The following LEF1 variants were observed in gnomAD, a reference collection of about 807,000 sequenced individuals.
The protein encoded by LEF1 is lymphoid enhancer binding factor 1.
LEF1 carries 14 observed loss-of-function variants against 51.2 expected under a neutral mutation model. The ratio of observed to expected loss-of-function variants is 0.27; its 90% confidence interval spans 0.18 to 0.43. The LOEUF is 0.43. Among genes scored for constraint, LEF1 ranks in the 20% least tolerant of loss-of-function variants. The probability of loss-of-function intolerance (pLI) is 1.00; values close to 1 mark genes in which losing one functional copy is unlikely to be tolerated. For missense variants in LEF1, 386 were observed against 512.0 expected, an observed-to-expected ratio of 0.75 and a Z score of 2.37; for synonymous variants, 185 against 183.2, an observed-to-expected ratio of 1.01 and a Z score of -0.08.
intron 3 of LEF1, among the ~76,000 whole-genome samples, chr4:108,136,817 T>C (rs1055951874): frequency 6.6e-6 from 1 of 152,076 alleles, no homozygotes; most frequent in African/African-American, 2.4e-5. Context: ...TATCCAAGGG[T>C]AAAAAGGGAA....
intron 11 of LEF1, among the ~76,000 whole-genome samples, chr4:108,056,787 A>T (rs980469505): frequency 6.6e-6 from 1 of 151,926 alleles, no homozygotes. Flanking sequence ...TCCACCTCCT[A>T]TGCAGCGATC....
At chr4:108,128,389 A>G (rs774617057) in intron 3 of LEF1, among the ~76,000 whole-genome samples, 7 of 152,188 alleles carry the variant, frequency 4.6e-5, no homozygotes, top group Non-Finnish European at 8.8e-5. Context: ...TACAACATAA[A>G]CAAAATTATT....
chr4:108,104,286 C>T (rs1039981897), intron 3 of LEF1, among the ~76,000 whole-genome samples: 3 of 151,678 alleles, frequency 2.0e-5, no homozygotes, highest in South Asian at 2.1e-4. Flanking sequence ...CTAACAGATA[C>T]CGGGTTTCTG....
chr4:108,158,658 G>T (rs548927127), intron 3 of LEF1, among the ~76,000 whole-genome samples: 1 of 151,822 alleles, frequency 6.6e-6, no homozygotes, highest in South Asian at 2.1e-4. Context: ...CAAAAATGAA[G>T]TGTTTTGATT....
At chr4:108,126,804 CAAAAA>C (rs11329450) in intron 3 of LEF1, among the ~76,000 whole-genome samples, 1 of 97,308 alleles carries the variant, frequency 1.0e-5, no homozygotes, top group African/African-American at 4.5e-5. Flanking sequence ...GACTTTCTCT[CAAAAA>C]AAAAAAAAAA....
intron 3 of LEF1, among the ~76,000 whole-genome samples, chr4:108,127,827 T>C (rs1742641758): frequency 6.6e-6 from 1 of 152,164 alleles, no homozygotes; most frequent in East Asian, 1.9e-4. Flanking sequence ...ATTTAAGATC[T>C]GAAGGGTTTG....
intron 3 of LEF1, among the ~76,000 whole-genome samples, chr4:108,152,943 C>G (rs1560826873): frequency 1.3e-5 from 2 of 152,216 alleles, no homozygotes; most frequent in Non-Finnish European, 2.9e-5. Flanking sequence ...TTTGCTGCTG[C>G]TCTCTTTTAT....
At chr4:108,102,526 TG>T (rs1380447278) in intron 3 of LEF1, among the ~76,000 whole-genome samples, 6 of 152,176 alleles carry the variant, frequency 3.9e-5, no homozygotes, top group African/African-American at 1.4e-4. Flanking sequence ...ATGAGGAAAG[TG>T]GCATTCCTCA....
Position 108,168,870 on chromosome 4 carries a change from G to C in LEF1, c.-1103C>G, listed in dbSNP as rs1325468441. On this transcript the variant is annotated 5_prime_UTR_variant, in exon 1 of 12. Coordinates refer to ENST00000265165, the MANE Select transcript of LEF1 (RefSeq NM_016269.5). The surrounding 1 kb of genome is among the most constrained non-coding windows in gnomAD (Gnocchi z 4.6). ...TGGTTCCTCGGCCCGAGAGCGCGCA[G>C]CCCGGGTCCCTCCTCCGCGCCCTGC... 1 of 152,202 alleles carries C rather than the reference G, an allele frequency of 6.6e-6. No individual in the cohort carries two copies. Among genetic ancestry groups the C allele is most frequent in the Non-Finnish European group, 1.5e-5 (1 of 68,038 alleles). 9.4% of individuals were successfully genotyped at this position (152,202 alleles called of 1,614,324 possible).
At chr4:108,165,237 G>C in intron 1 of LEF1, 74 bp from the exon 2 acceptor site, 1 of 1,346,870 alleles carries the variant, frequency 7.4e-7, no homozygotes, top group Non-Finnish European at 1.1e-6. Context: ...GTACAAATGT[G>C]TGTGCGCTGG....
At chr4:108,106,004 G>A (rs72896198) in intron 3 of LEF1, among the ~76,000 whole-genome samples, 6,404 of 152,176 alleles carry the variant, frequency 0.042, 465 homozygotes, top group African/African-American at 0.14. Context: ...GTCTGCAGTC[G>A]GGCTCCAAAT....
rs2110423116 is a variant in LEF1 at position 108,163,582 on chromosome 4, G to C, written c.400C>G (p.Pro134Ala). Reference protein sequence around the residue: ...PYMSNGSLSPPIPRTSNKVPV... With the variant: ...PYMSNGSLSPAIPRTSNKVPV... ...ATGTTACTTACTGTTCTCGGGATGG[G>C]TGGAGAAAGAGATCCATTTGACATG... Residue 134 changes from proline to alanine, a missense_variant, in exon 3 of 12, where the codon CCC becomes GCC. By Grantham distance (27) the Pro-to-Ala change is conservative (BLOSUM62 -1). This residue lies in a region of LEF1 where 335 missense variants were observed against 390.7 expected (regional missense o/e 0.86). Coordinates refer to ENST00000265165, the MANE Select transcript of LEF1 (RefSeq NM_016269.5). The C allele has an allele frequency of 6.2e-7, 1 of 1,613,352 alleles. No homozygotes were observed. The highest frequency in any genetic ancestry group is 2.2e-5 in the East Asian group (1 of 44,848).
chr4:108,071,970 C>T (rs1457615091), intron 8 of LEF1: 1 of 152,282 alleles, frequency 6.6e-6, no homozygotes, highest in African/African-American at 2.4e-5. Context: ...GTGCACACCA[C>T]ACACGCTCAC....
At chr4:108,063,527 T>C (rs1001929739) in intron 11 of LEF1, 96 bp downstream of exon 11, 5 of 917,386 alleles carry the variant, frequency 5.5e-6, no homozygotes, top group Non-Finnish European at 6.9e-6. Flanking sequence ...TAAGGAGCAA[T>C]GTCGAATGAA....
chr4:108,158,047 C>T (rs1440411302), intron 3 of LEF1, among the ~76,000 whole-genome samples: 1 of 152,064 alleles, frequency 6.6e-6, no homozygotes. Context: ...CCAACTCCCC[C>T]CACCTCCACC....
chr4:108,113,056 T>C (rs1459051730), intron 3 of LEF1, among the ~76,000 whole-genome samples: 2 of 152,202 alleles, frequency 1.3e-5, no homozygotes, highest in African/African-American at 4.8e-5. Context: ...AGCTGTGGAA[T>C]GCTATCCGAG....
intron 3 of LEF1, among the ~76,000 whole-genome samples, chr4:108,098,904 T>C (rs1740563100): frequency 2.6e-5 from 4 of 152,220 alleles, no homozygotes; most frequent in Admixed American, 2.6e-4. Context: ...TCTATGAACA[T>C]GTAAATTTGA....
At chr4:108,122,627 A>T (rs1742249511) in intron 3 of LEF1, among the ~76,000 whole-genome samples, 1 of 152,048 alleles carries the variant, frequency 6.6e-6, no homozygotes, top group South Asian at 2.1e-4. Flanking sequence ...ACAAGCGTGC[A>T]CCACCATGCC....
intron 3 of LEF1, among the ~76,000 whole-genome samples, chr4:108,092,356 C>G (rs989179499): frequency 9.2e-5 from 14 of 152,164 alleles, no homozygotes; most frequent in African/African-American, 2.9e-4. Context: ...CATGTGTGAG[C>G]AGAATTCCAA....
Sources: gnomAD v4.1 joint callset for allele counts (sites outside exome capture counted in the v4.1 genomes callset) on GRCh38, gnomAD v4.1.1 for gene constraint, gnomAD v4.1.1 regional missense constraint, Gnocchi (gnomAD v3.1) non-coding constraint, MANE v1.5 for transcripts, NCBI Gene and HGNC (gene_info 2026-07-23, HGNC 2026-07-21) for gene names.